Variants in SMOC2 observed in about 807,000 individuals in gnomAD.
SMOC2 encodes SPARC-related modular calcium-binding protein 2.
In SMOC2, 39 loss-of-function variants were observed where a neutral mutation model predicts 61.4. The observed-to-expected ratio is 0.64, with a 90% CI of 0.49 to 0.83. SMOC2 has a LOEUF of 0.83. Among genes scored for constraint, SMOC2 ranks in the 40% least tolerant of loss-of-function variants. The pLI is 0.00. For missense variants in SMOC2, 556 were observed against 592.9 expected (o/e 0.94, Z 0.65); for synonymous variants, 247 against 239.9 (o/e 1.03, Z -0.27).
chr6:168,661,116 A>AT lies in SMOC2; in HGVS notation c.1286-2947dup, dbSNP rs35988026. Among the ~76,000 whole-genome samples the AT allele has an allele frequency of 9.8e-3, 1,478 of 150,746 alleles. 28 individuals carry two copies. Among genetic ancestry groups the AT allele is most frequent in the African/African-American group, 0.032 (1,313 of 41,118 alleles). Reference sequence around the variant, plus strand: ...GCAGCCCTTTCATTTTCCTTACAGAATTTTTTTTTTTGACTTAAAAAAATT... The same window carrying AT: ...GCAGCCCTTTCATTTTCCTTACAGAATTTTTTTTTTTTGACTTAAAAAAATT... On this transcript the variant is annotated intron_variant, in intron 11 of 12. Transcript: ENST00000356284.
intron 2 of SMOC2, among the ~76,000 whole-genome samples, chr6:168,512,749 C>T (rs1783037422): frequency 1.3e-5 from 2 of 152,186 alleles, no homozygotes; most frequent in South Asian, 2.1e-4. Context: ...CTGTTTGAAA[C>T]AGCTCTGGGG....
At chr6:168,527,764 A>C in intron 4 of SMOC2, 37 bp downstream of exon 4, 2 of 1,377,856 alleles carry the variant, frequency 1.5e-6, no homozygotes, top group Non-Finnish European at 2.0e-6. Context: ...GAAGGCTTGA[A>C]GGGAATTGGT....
At chr6:168,519,899 C>G (rs1430288157) in intron 2 of SMOC2, among the ~76,000 whole-genome samples, 1 of 152,226 alleles carries the variant, frequency 6.6e-6, no homozygotes, top group Admixed American at 6.5e-5. Context: ...TTAACTTTCT[C>G]TTTACAATTT....
chr6:168,467,489 T>TA (rs1337740987), intron 1 of SMOC2, among the ~76,000 whole-genome samples: 1 of 152,122 alleles, frequency 6.6e-6, no homozygotes, highest in Non-Finnish European at 1.5e-5. Flanking sequence ...TTTGTATTTT[T>TA]AGTAGAGATG....
chr6:168,520,653 C>T (rs1267893928), intron 2 of SMOC2, among the ~76,000 whole-genome samples: 1 of 152,252 alleles, frequency 6.6e-6, no homozygotes, highest in Admixed American at 6.5e-5. Flanking sequence ...TTACCTGTGT[C>T]CCAAAGTTCT....
chr6:168,526,040 T>A (rs1240237615), intron 2 of SMOC2, among the ~76,000 whole-genome samples: 2 of 152,184 alleles, frequency 1.3e-5, no homozygotes, highest in African/African-American at 2.4e-5. Context: ...GCCACCTGTT[T>A]CCCCAGGGAT....
intron 4 of SMOC2, among the ~76,000 whole-genome samples, chr6:168,533,692 C>T (rs929886737): frequency 6.6e-6 from 1 of 152,192 alleles, no homozygotes; most frequent in Non-Finnish European, 1.5e-5. Flanking sequence ...CTGTTTGTCT[C>T]CACCTCAAAA....
chr6:168,619,663 G>T (rs532715239), intron 9 of SMOC2, among the ~76,000 whole-genome samples: 1 of 152,080 alleles, frequency 6.6e-6, no homozygotes, highest in Admixed American at 6.6e-5. Context: ...CTCCTATAAC[G>T]CAAGTCTCAC....
chr6:168,663,901 A>C (rs1172656247), intron 11 of SMOC2, among the ~76,000 whole-genome samples, 173 bp from the exon 12 acceptor site: 1 of 152,222 alleles, frequency 6.6e-6, no homozygotes, highest in Admixed American at 6.5e-5. Context: ...TCCTGGAACC[A>C]ATCCCTTCTG....
chr6:168,527,502 G>A, intron 3 of SMOC2, 126 bp from the exon 4 acceptor site: 1 of 668,588 alleles, frequency 1.5e-6, no homozygotes. Flanking sequence ...TGCAGCCACA[G>A]AAGTAGCTCT....
chr6:168,656,943 C>T (rs77196177), intron 11 of SMOC2, among the ~76,000 whole-genome samples: 9,972 of 152,280 alleles, frequency 0.065, 421 homozygotes, highest in African/African-American at 0.11. Context: ...CTGTGCTGGC[C>T]CGGCCATCCG....
At chr6:168,658,811 C>T (rs1161724244) in intron 11 of SMOC2, among the ~76,000 whole-genome samples, 2 of 152,136 alleles carry the variant, frequency 1.3e-5, no homozygotes, top group African/African-American at 4.8e-5. Context: ...TCCTAAGTCA[C>T]CCTTCCAGAG....
intron 7 of SMOC2, among the ~76,000 whole-genome samples, chr6:168,558,219 G>A (rs1301247478): frequency 2.6e-5 from 4 of 152,202 alleles, no homozygotes; most frequent in South Asian, 2.1e-4. Flanking sequence ...AGGCAGAGCC[G>A]CAACCTTCTC....
intron 7 of SMOC2, among the ~76,000 whole-genome samples, chr6:168,568,300 G>C (rs181217416): frequency 6.6e-6 from 1 of 152,194 alleles, no homozygotes; most frequent in African/African-American, 2.4e-5. Flanking sequence ...CTTTTTCACA[G>C]ACTTTATTTT....
Position 168,453,911 on chromosome 6 carries a change from C to T in SMOC2, c.84+12457C>T, listed in dbSNP as rs1200634714. 1.3e-5 allele frequency among the ~76,000 whole-genome samples: 2 copies of T among 150,768 alleles called. No individual in the cohort carries two copies. On this transcript the variant is annotated intron_variant, in intron 1 of 12. Coordinates refer to ENST00000356284, the MANE Select transcript of SMOC2 (RefSeq NM_001166412.2). The surrounding 1 kb of genome is among the most constrained non-coding windows in gnomAD (Gnocchi z 4.4). ...CTCTATCTCTCTTTCTCTCTGTCTT[C>T]CTCTCTCTCTGTCTCTCTGATTCTA...
chr6:168,472,905 G>A (rs1383196262), intron 1 of SMOC2, among the ~76,000 whole-genome samples: 1 of 152,128 alleles, frequency 6.6e-6, no homozygotes, highest in East Asian at 1.9e-4. Context: ...CTCCCACACT[G>A]TTTGGTGCTC....
intron 7 of SMOC2, among the ~76,000 whole-genome samples, chr6:168,550,001 T>G (rs1784093719): frequency 6.6e-6 from 1 of 152,250 alleles, no homozygotes; most frequent in South Asian, 2.1e-4. Context: ...CTGACTATTT[T>G]GACATTTTGA....
At chr6:168,457,007 T>C (rs537725253) in intron 1 of SMOC2, among the ~76,000 whole-genome samples, 1 of 152,316 alleles carries the variant, frequency 6.6e-6, no homozygotes, top group Admixed American at 6.5e-5. Context: ...CACACGCTCA[T>C]GTGAAACGGC....
intron 7 of SMOC2, among the ~76,000 whole-genome samples, chr6:168,588,183 G>A (rs1322531495): frequency 7.2e-6 from 1 of 139,272 alleles, no homozygotes; most frequent in East Asian, 2.0e-4. Context: ...GAGTACAGTG[G>A]CATGATCTCG....
Sources: allele counts gnomAD v4.1 joint callset (sites outside exome capture counted in the v4.1 genomes callset), GRCh38; gene constraint gnomAD v4.1.1; non-coding constraint Gnocchi (gnomAD v3.1); transcripts MANE v1.5; gene names NCBI Gene and HGNC (gene_info 2026-07-23, HGNC 2026-07-21).